The following SDK1 variants were observed in gnomAD, a reference collection of about 807,000 sequenced individuals.
SDK1 encodes protein sidekick-1.
SDK1 carries 157 observed loss-of-function variants against 245.5 expected under a neutral mutation model. The ratio of observed to expected loss-of-function variants is 0.64; its 90% CI spans 0.56 to 0.73. The LOEUF (loss-of-function observed/expected upper bound fraction) is 0.73. Ranked by LOEUF, SDK1 falls within the 30% of genes least tolerant of loss-of-function variation. The pLI, the probability that SDK1 is intolerant of heterozygous loss-of-function variation, is 0.00. For synonymous variants in SDK1, 1,647 were observed against 1,278.5 expected, an observed-to-expected ratio of 1.29 and a Z score of -6.15; for missense variants, 3,583 against 3,002.3, an observed-to-expected ratio of 1.19 and a Z score of -4.52.
At chr7:3,394,889 C>G (rs1781853670) in intron 1 of SDK1, among the ~76,000 whole-genome samples, 1 of 151,806 alleles carries the variant, frequency 6.6e-6, no homozygotes, top group African/African-American at 2.4e-5. Context: ...AAAATTAGTT[C>G]TAATAGTTTT....
chr7:3,400,085 G>A (rs1232858256), intron 1 of SDK1, among the ~76,000 whole-genome samples: 1 of 151,814 alleles, frequency 6.6e-6, no homozygotes, highest in South Asian at 2.1e-4. Context: ...TCCAGAGAGG[G>A]CGCTTTTGGG....
intron 1 of SDK1, among the ~76,000 whole-genome samples, chr7:3,534,414 C>T (rs1051880714): frequency 1.3e-5 from 2 of 152,120 alleles, no homozygotes; most frequent in African/African-American, 2.4e-5. Flanking sequence ...AGTGAGATTG[C>T]TGGATCATAT....
Position 3,888,343 on chromosome 7 carries a change from C to A in SDK1, c.848-62580C>A, listed in dbSNP as rs370075892. Among the ~76,000 whole-genome samples, 8 of 152,200 alleles carry A rather than the reference C, an allele frequency of 5.3e-5. No homozygotes were observed. The East Asian group carries it at 7.7e-4, about 15-fold the overall frequency. ...ACAGTCTGGCCCACAGCCTGGCCCA[C>A]AGCATCGGGGTGGAACCAGAAATGG... On this transcript the variant is annotated intron_variant, in intron 5 of 44. Coordinates refer to ENST00000404826, the MANE Select transcript of SDK1 (RefSeq NM_152744.4).
intron 1 of SDK1, among the ~76,000 whole-genome samples, chr7:3,388,917 A>C (rs1030767483): frequency 6.6e-6 from 1 of 152,194 alleles, no homozygotes; most frequent in African/African-American, 2.4e-5. Context: ...GCTGGTAATC[A>C]ACAAGTAAAC....
intron 1 of SDK1, among the ~76,000 whole-genome samples, chr7:3,349,297 A>C (rs552105867): frequency 2.6e-5 from 4 of 151,984 alleles, no homozygotes; most frequent in Non-Finnish European, 5.9e-5. Context: ...GCAGGGTCTC[A>C]CCCTTATTAG....
At chr7:3,527,697 G>A (rs1448084308) in intron 1 of SDK1, among the ~76,000 whole-genome samples, 4 of 150,132 alleles carry the variant, frequency 2.7e-5, no homozygotes, top group Non-Finnish European at 4.4e-5. Context: ...GGGAGGTGAG[G>A]CTGGATGATA....
chr7:3,475,789 C>G (rs1781332068), intron 1 of SDK1, among the ~76,000 whole-genome samples: 1 of 152,052 alleles, frequency 6.6e-6, no homozygotes, highest in Non-Finnish European at 1.5e-5. Context: ...TCCACAGATG[C>G]ACGGTTTCAT....
At chr7:3,405,503 C>A (rs1166334036) in intron 1 of SDK1, among the ~76,000 whole-genome samples, 1 of 152,190 alleles carries the variant, frequency 6.6e-6, no homozygotes, top group African/African-American at 2.4e-5. Flanking sequence ...TGTGCTCTCT[C>A]TAGCTCCCCC....
Position 4,206,032 on chromosome 7 carries a change from T to G in SDK1, c.5214+38T>G, listed in dbSNP as rs146312206. 1.3e-3 allele frequency: 1,773 copies of G among 1,359,026 alleles called. 18 individuals are homozygous for G. In the African/African-American group the frequency reaches 0.022, roughly 17 times the overall value. 84.2% of individuals were successfully genotyped at this position (1,359,026 alleles called of 1,614,324 possible). Reference sequence around the variant, plus strand: ...CGTGCGGTTGCCTCCCCTGGCTCGCTTGGGCACCCCTCGTTCACGTGGTCC... The same window carrying G: ...CGTGCGGTTGCCTCCCCTGGCTCGCGTGGGCACCCCTCGTTCACGTGGTCC... On this transcript the variant is annotated intron_variant, in intron 36 of 44. Coordinates refer to ENST00000404826, the MANE Select transcript of SDK1 (RefSeq NM_152744.4).
intron 1 of SDK1, among the ~76,000 whole-genome samples, chr7:3,531,100 C>CT (rs1562543475): frequency 1.3e-5 from 2 of 152,178 alleles, no homozygotes; most frequent in African/African-American, 2.4e-5. Context: ...CAAGATTTGA[C>CT]TAATATGAAC....
intron 1 of SDK1, among the ~76,000 whole-genome samples, chr7:3,335,999 C>G (rs1426832167): frequency 6.6e-6 from 1 of 152,144 alleles, no homozygotes; most frequent in Non-Finnish European, 1.5e-5. Flanking sequence ...CCCCTCCTTA[C>G]TATCTCCCAC....
intron 1 of SDK1, among the ~76,000 whole-genome samples, chr7:3,533,710 T>C (rs1303372629): frequency 6.6e-6 from 1 of 152,218 alleles, no homozygotes; most frequent in Non-Finnish European, 1.5e-5. Flanking sequence ...GCTAGTTTCC[T>C]GTTGAATTTG....
intron 1 of SDK1, among the ~76,000 whole-genome samples, chr7:3,581,876 C>T (rs1780508275): frequency 6.6e-6 from 1 of 152,200 alleles, no homozygotes; most frequent in Admixed American, 6.5e-5. Flanking sequence ...GGCCATCATC[C>T]TTAGCAAACT....
intron 4 of SDK1, among the ~76,000 whole-genome samples, chr7:3,698,126 G>A (rs1178207017): frequency 6.6e-6 from 1 of 152,064 alleles, no homozygotes; most frequent in African/African-American, 2.4e-5. Context: ...TCCTCCCAAA[G>A]GACCACAAAG....
At chr7:3,310,868 C>G (rs1406667764) in intron 1 of SDK1, among the ~76,000 whole-genome samples, 1 of 152,176 alleles carries the variant, frequency 6.6e-6, no homozygotes, top group Admixed American at 6.5e-5. Flanking sequence ...CTTGACTTTT[C>G]TTATCCCTGA....
At position 4,220,232 on chromosome 7, in the gene SDK1, C is replaced by G. The variant is rs369769759; in HGVS notation, c.5663C>G (p.Pro1888Arg). The G allele has an allele frequency of 5.6e-6, 9 of 1,613,862 alleles. No individual in the cohort carries two copies. Among genetic ancestry groups the G allele is most frequent in the Non-Finnish European group, 7.6e-6 (9 of 1,179,980 alleles). ...RVQARTITYG[P>R]ELQANITAGP... ...CAAGCGCGGACCATCACCTACGGGC[C>G]CGAGCTCCAAGCCAATATCACAGCC... The change falls in exon 39 of 45, where the codon CCC becomes CGC. Residue 1888 changes from proline to arginine, a missense_variant. Pro to Arg is a moderately radical substitution (Grantham distance 103). Transcript: ENST00000404826.
chr7:4,087,067 C>T (rs1781469915), intron 22 of SDK1, among the ~76,000 whole-genome samples: 1 of 151,908 alleles, frequency 6.6e-6, no homozygotes, highest in Non-Finnish European at 1.5e-5. Context: ...TTTATGACTC[C>T]TTTCTTGCAT....
At chr7:3,962,502 A>G (rs1466571600) in intron 8 of SDK1, among the ~76,000 whole-genome samples, 155 bp from the exon 9 acceptor site, 1 of 152,242 alleles carries the variant, frequency 6.6e-6, no homozygotes, top group Non-Finnish European at 1.5e-5. Flanking sequence ...TTCATCTACA[A>G]CGAGAAAAAT....
intron 4 of SDK1, among the ~76,000 whole-genome samples, chr7:3,722,700 T>C (rs1778851558): frequency 6.6e-6 from 1 of 152,214 alleles, no homozygotes; most frequent in African/African-American, 2.4e-5. Flanking sequence ...AGCTGCAGGC[T>C]GAACTCAAGT....
Sources: gnomAD v4.1 joint callset for allele counts (sites outside exome capture counted in the v4.1 genomes callset) on GRCh38, gnomAD v4.1.1 for gene constraint, MANE v1.5 for transcripts, NCBI Gene and HGNC (gene_info 2026-07-23, HGNC 2026-07-21) for gene names.